The following STRN variants were observed in gnomAD, a reference collection of about 807,000 sequenced individuals.
The protein encoded by STRN is protein phosphatase 2 regulatory subunit B'''alpha.
Under a neutral mutation model 96.3 loss-of-function variants are expected in STRN, and 53 were observed. That is an observed-to-expected ratio of 0.55 (90% CI 0.44 to 0.69). The LOEUF (loss-of-function observed/expected upper bound fraction) is 0.69. Among genes scored for constraint, STRN ranks in the 30% least tolerant of loss-of-function variants. The pLI is 0.00. For synonymous variants in STRN, 428 were observed against 355.9 expected, an observed-to-expected ratio of 1.20 and a Z score of -2.28; for missense variants, 987 against 963.9, an observed-to-expected ratio of 1.02 and a Z score of -0.32.
chr2:36,858,054 G>A (rs1413521407), intron 13 of STRN, 31 bp from the exon 14 acceptor site: 3 of 1,518,754 alleles, frequency 2.0e-6, no homozygotes, highest in South Asian at 1.3e-5. Flanking sequence ...GCAAAATCAG[G>A]AGAAAAACAA....
At chr2:36,857,341 A>C (rs1456918180) in intron 14 of STRN, among the ~76,000 whole-genome samples, 1 of 152,104 alleles carries the variant, frequency 6.6e-6, no homozygotes, top group Non-Finnish European at 1.5e-5. Flanking sequence ...AATTTTTTAA[A>C]ATCTAAAATC....
intron 1 of STRN, among the ~76,000 whole-genome samples, chr2:36,961,244 A>G (rs994219121): frequency 6.8e-6 from 1 of 147,260 alleles, no homozygotes; most frequent in African/African-American, 2.5e-5. Context: ...CTCCCACCTC[A>G]GCCTCCCAAG....
chr2:36,961,115 C>CTT lies in STRN; in HGVS notation c.234+5113_234+5114dup, dbSNP rs551915869. Among the ~76,000 whole-genome samples the CTT allele has an allele frequency of 7.1e-4, 43 of 60,312 alleles. 8 individuals are homozygous for CTT. Among genetic ancestry groups the CTT allele is most frequent in the African/African-American group, 3.3e-3 (35 of 10,480 alleles). The allele number at this position is 60,312 out of a possible 152,430, so 39.6% of individuals were successfully genotyped here. ...GCTTCACCATGTTGCCCAGGCTGCA[C>CTT]TTTTTTTTTTTTTTTTTTTTTTTTT... On this transcript the variant is annotated intron_variant, in intron 1 of 17. Coordinates refer to ENST00000263918, the MANE Select transcript of STRN (RefSeq NM_003162.4).
intron 3 of STRN, among the ~76,000 whole-genome samples, chr2:36,912,260 GCA>G (rs956588681): frequency 6.6e-6 from 1 of 152,000 alleles, no homozygotes; most frequent in African/African-American, 2.4e-5. Context: ...GTGCGCGCGC[GCA>G]CACACACACT....
chr2:36,910,214 G>A (rs971720840), intron 3 of STRN, among the ~76,000 whole-genome samples: 7 of 148,206 alleles, frequency 4.7e-5, no homozygotes, highest in Admixed American at 1.3e-4. Flanking sequence ...ACATACATAA[G>A]CTGCAAAAAT....
At position 36,877,980 on chromosome 2, in the gene STRN, C is replaced by T. The variant is rs1353532482; in HGVS notation, c.1234G>A (p.Gly412Arg). The T allele has an allele frequency of 6.2e-7, 1 of 1,614,078 alleles. No homozygotes were observed. ...TCACTTTCAAGGGCTTCATCTGCTC[C>T]CATGATGAATGACTTTCCAGAAGAA... ...PPSSGKSFIM[G>R]ADEALESELG... Residue 412 changes from glycine (G) to arginine (R), a missense_variant, in exon 10 of 18, where the codon GGA (glycine) becomes AGA (arginine). By Grantham distance (125) the Gly-to-Arg change is moderately radical. Transcript: ENST00000263918.
intron 4 of STRN, among the ~76,000 whole-genome samples, chr2:36,904,287 C>T (rs532837768): frequency 6.6e-6 from 1 of 152,162 alleles, no homozygotes; most frequent in South Asian, 2.1e-4. Context: ...ATTCTCTTTC[C>T]GTAGTCAAAA....
intron 3 of STRN, among the ~76,000 whole-genome samples, chr2:36,914,322 A>G (rs1355156291): frequency 6.6e-6 from 1 of 152,240 alleles, no homozygotes; most frequent in Non-Finnish European, 1.5e-5. Context: ...AATATATTGC[A>G]TCTAGGCTTC....
chr2:36,883,718 T>C (rs185209123), intron 9 of STRN, among the ~76,000 whole-genome samples: 1 of 152,256 alleles, frequency 6.6e-6, no homozygotes, highest in Non-Finnish European at 1.5e-5. Flanking sequence ...GAATTTAGAG[T>C]TGGTTTTTAA....
In STRN at chr2:36,956,978, G is replaced by A. The variant is rs1198760971; in HGVS notation, c.234+9252C>T. Among the ~76,000 whole-genome samples, 3 of 152,302 alleles carry A rather than the reference G, an allele frequency of 2.0e-5. No homozygotes were observed. In the South Asian group the frequency reaches 6.2e-4, roughly 32 times the overall value. ...TTTTCTTAAAAGCAACACAAAAATAGGAAGGAATTATCTGGCCAAAATAAA... is the reference window on the plus strand; with the variant it reads ...TTTTCTTAAAAGCAACACAAAAATAAGAAGGAATTATCTGGCCAAAATAAA... On this transcript the variant is annotated intron_variant, in intron 1 of 17. Coordinates refer to ENST00000263918, the MANE Select transcript of STRN (RefSeq NM_003162.4).
intron 10 of STRN, among the ~76,000 whole-genome samples, chr2:36,877,094 T>A (rs531445551): frequency 6.6e-6 from 1 of 152,176 alleles, no homozygotes; most frequent in Non-Finnish European, 1.5e-5. Flanking sequence ...TAAGTAAATG[T>A]ATGCCCAAAG....
chr2:36,918,214 T>C (rs1490481044), intron 2 of STRN, among the ~76,000 whole-genome samples: 10 of 152,176 alleles, frequency 6.6e-5, no homozygotes, highest in South Asian at 2.1e-4. Context: ...TGTAATACTA[T>C]TGATCATCAG....
At chr2:36,887,777 G>C (rs1222861265) in intron 7 of STRN, among the ~76,000 whole-genome samples, 1 of 152,140 alleles carries the variant, frequency 6.6e-6, no homozygotes, top group East Asian at 1.9e-4. Context: ...TGAGTTTCTA[G>C]TAGTAAAGAA....
intron 10 of STRN, 28 bp downstream of exon 10, chr2:36,877,863 A>T (rs1327301960): frequency 1.6e-5 from 25 of 1,611,490 alleles, no homozygotes; most frequent in Non-Finnish European, 2.0e-5. Context: ...AACCAAGTAA[A>T]CACAACAAAA....
intron 1 of STRN, among the ~76,000 whole-genome samples, chr2:36,945,456 A>G (rs1670955889): frequency 6.6e-6 from 1 of 152,238 alleles, no homozygotes; most frequent in African/African-American, 2.4e-5. Context: ...TCATGAGGTC[A>G]GGAGTTTGAG....
At chr2:36,876,954 G>A (rs1342798664) in intron 10 of STRN, among the ~76,000 whole-genome samples, 1 of 151,886 alleles carries the variant, frequency 6.6e-6, no homozygotes, top group Non-Finnish European at 1.5e-5. Flanking sequence ...TTCACCGTGT[G>A]AGCCAGGATG....
rs551160824 is a variant in STRN, at chr2:36,892,505, T to C, written c.931+1393A>G. 1.2e-4 allele frequency among the ~76,000 whole-genome samples: 18 copies of C among 152,368 alleles called. No homozygotes were observed. The South Asian group carries it at 3.5e-3, about 30-fold the overall frequency. ...TATAATTTGGGACATGTATCTTTTT[T>C]ATTGAGAAGAACACTCAATATTGAA... On this transcript the variant is annotated intron_variant, in intron 7 of 17. Transcript: ENST00000263918.
chr2:36,875,505 C>CAAA lies in STRN; in HGVS notation c.1323+2383_1323+2385dup, dbSNP rs70946953. 1.9e-3 allele frequency among the ~76,000 whole-genome samples: 98 copies of CAAA among 50,962 alleles called. 3 individuals carry two copies. The highest frequency in any genetic ancestry group is 0.025 in the Middle Eastern group (1 of 40). 33.4% of individuals were successfully genotyped at this position (50,962 alleles called of 152,430 possible). On this transcript the variant is annotated intron_variant, in intron 10 of 17. Coordinates refer to ENST00000263918, the MANE Select transcript of STRN (RefSeq NM_003162.4). ...TGGGCAGCAGAGTGAGACTCTGCCT[C>CAAA]AAAAAAAAAAAAAAAAAAAAAAAAG...
chr2:36,895,712 C>A (rs1224094935), intron 6 of STRN, among the ~76,000 whole-genome samples: 3 of 149,896 alleles, frequency 2.0e-5, no homozygotes, highest in Non-Finnish European at 4.4e-5. Context: ...GAGGTGGAGA[C>A]CCTCCTGCCT....
Sources: allele counts gnomAD v4.1 joint callset (sites outside exome capture counted in the v4.1 genomes callset), GRCh38; gene constraint gnomAD v4.1.1; transcripts MANE v1.5; gene names NCBI Gene and HGNC (gene_info 2026-07-23, HGNC 2026-07-21).